DPYSL4: variants seen among roughly 807,000 people sequenced by gnomAD.
DPYSL4 encodes the protein dihydropyrimidinase like 4.
In DPYSL4, 43 loss-of-function variants were observed where a neutral mutation model predicts 63.4. The ratio of observed to expected loss-of-function variants is 0.68; its 90% CI spans 0.53 to 0.88. The LOEUF is 0.88. Among genes scored for constraint, DPYSL4 ranks in the 40% least tolerant of loss-of-function variants. DPYSL4 has a pLI of 0.00. For synonymous variants in DPYSL4, 353 were observed against 331.7 expected (o/e 1.06, Z -0.70); for missense variants, 733 against 819.5 (o/e 0.89, Z 1.29).
Position 132,200,899 on chromosome 10 carries a change from T to C in DPYSL4, c.1026T>C (p.Ala342=). 1 of 1,613,222 alleles carries C rather than the reference T, an allele frequency of 6.2e-7. No individual in the cohort carries two copies. The highest frequency in any genetic ancestry group is 8.5e-7 in the Non-Finnish European group (1 of 1,179,954). Residue 342 remains alanine (A), a synonymous_variant, in exon 10 of 14, where the codon GCT becomes GCC. Coordinates refer to ENST00000338492, the MANE Select transcript of DPYSL4 (RefSeq NM_006426.3). ...GCACCTTCACCACTGCCCAGAAGGC[T>C]GTGGGCAAGGACAACTTCGCGCTGA... The part of the protein sequence containing the change: ...AHCTFTTAQK[A]VGKDNFALIP...
At chr10:132,202,598 G>A (rs543869372) in intron 11 of DPYSL4, 48 bp from the exon 12 acceptor site, 1 of 1,603,646 alleles carries the variant, frequency 6.2e-7, no homozygotes, top group Non-Finnish European at 8.5e-7. Flanking sequence ...GGATGGGACT[G>A]TTGGGCCCCA....
chr10:132,202,188 A>T, intron 11 of DPYSL4, 72 bp downstream of exon 11: 1 of 1,556,104 alleles, frequency 6.4e-7, no homozygotes. Flanking sequence ...TTCCCAGGAG[A>T]GGCGCAGGAC....
intron 1 of DPYSL4, among the ~76,000 whole-genome samples, chr10:132,189,015 G>C (rs936042953): frequency 6.6e-6 from 1 of 152,244 alleles, no homozygotes; most frequent in Non-Finnish European, 1.5e-5. Flanking sequence ...CTGTAATGGA[G>C]TTCCTAGATA....
At chr10:132,198,714 G>T in intron 7 of DPYSL4, 137 bp from the exon 8 acceptor site, 1 of 1,362,888 alleles carries the variant, frequency 7.3e-7, no homozygotes, top group Admixed American at 2.3e-5. Context: ...CAGGCACTGA[G>T]CCCGAGGCTG....
At chr10:132,188,785 T>C (rs1410608884) in intron 1 of DPYSL4, among the ~76,000 whole-genome samples, 2 of 152,228 alleles carry the variant, frequency 1.3e-5, no homozygotes, top group Non-Finnish European at 2.9e-5. Context: ...GATGCTGCAG[T>C]GTGAACTTCA....
At chr10:132,204,449 T>C (rs2062066513) in intron 13 of DPYSL4, among the ~76,000 whole-genome samples, 1 of 152,124 alleles carries the variant, frequency 6.6e-6, no homozygotes, top group Non-Finnish European at 1.5e-5. Flanking sequence ...AGCAAAGCCC[T>C]GCTCACCTCC....
Position 132,200,825 on chromosome 10 carries a change from C to A in DPYSL4, c.969-17C>A, listed in dbSNP as rs1380446336. 1.9e-6 allele frequency: 3 copies of A among 1,610,164 alleles called. No individual in the cohort carries two copies. The highest frequency in any genetic ancestry group is 3.5e-4 in the Middle Eastern group (2 of 5,724). The stretch of plus-strand genomic sequence containing the variant: ...GCTCAGGAAGGCCAGGACCCTCTGA[C>A]CCTGGCTTGTTTCCAGCGGGGACCT... On this transcript the variant is annotated splice_polypyrimidine_tract_variant and intron_variant, in intron 9 of 13. Coordinates refer to ENST00000338492, the MANE Select transcript of DPYSL4 (RefSeq NM_006426.3).
At chr10:132,200,084 CGGGGTCCTGGGGT>C (rs1359836832) in intron 8 of DPYSL4, among the ~76,000 whole-genome samples, 3 of 152,268 alleles carry the variant, frequency 2.0e-5, no homozygotes, top group Admixed American at 1.3e-4. Context: ...CTGGAGTGCC[CGGGGTCCTGGGGT>C]GGGGTGTGGG....
In DPYSL4 at chr10:132,202,815, C is replaced by T. The variant is rs1002137767; in HGVS notation, c.1451C>T (p.Ala484Val). The T allele has an allele frequency of 6.3e-7, 1 of 1,598,882 alleles. No homozygotes were observed. The highest frequency in any genetic ancestry group is 2.2e-5 in the East Asian group (1 of 44,784). The change falls in exon 12 of 14, where the codon GCT (alanine) becomes GTT (valine). Residue 484 changes from alanine (A) to valine (V), a missense_variant. Coordinates refer to ENST00000338492, the MANE Select transcript of DPYSL4 (RefSeq NM_006426.3). ...FPDFVYKRIK[A>V]RNRLAEIHGV... is the part of the protein sequence containing the mutation. The stretch of plus-strand genomic sequence containing the variant: ...GACTTTGTCTACAAGAGGATCAAAG[C>T]TCGCAACAGGGTAGGGCGGCACCCG...
chr10:132,202,586 G>T, intron 11 of DPYSL4, 60 bp from the exon 12 acceptor site: 1 of 1,592,582 alleles, frequency 6.3e-7, no homozygotes, highest in South Asian at 1.1e-5. Flanking sequence ...GCGGCTCAAC[G>T]GGGATGGGAC....
rs2062084024 is a variant in DPYSL4, at chr10:132,205,475, A to T, written c.*545A>T. On this transcript the variant is annotated 3_prime_UTR_variant, in exon 14 of 14. Coordinates refer to ENST00000338492, the MANE Select transcript of DPYSL4 (RefSeq NM_006426.3). ...ACAGCTGCTGAGACTTCAGGGACCC[A>T]TCAGAACTTGGTGCAGCACAGCCCC... 1 of 152,900 alleles carries T rather than the reference A, an allele frequency of 6.5e-6. No homozygotes were observed. Among genetic ancestry groups the T allele is most frequent in the Non-Finnish European group, 1.5e-5 (1 of 68,366 alleles). 9.5% of individuals were successfully genotyped at this position (152,900 alleles called of 1,614,324 possible). A position where few individuals can be genotyped will look rare whatever the true frequency, so the allele number is the denominator to read the frequency against.
intron 6 of DPYSL4, among the ~76,000 whole-genome samples, chr10:132,197,997 C>T (rs559244670): frequency 3.3e-5 from 5 of 152,322 alleles, no homozygotes; most frequent in African/African-American, 1.2e-4. Context: ...GAGCGGATGC[C>T]GTAGTGCAAA....
At chr10:132,201,833 C>T in intron 10 of DPYSL4, 113 bp from the exon 11 acceptor site, 2 of 1,167,102 alleles carry the variant, frequency 1.7e-6, no homozygotes, top group Non-Finnish European at 2.4e-6. Context: ...CTCACGGGGG[C>T]CTGGTGACCT....
chr10:132,190,081 A>C (rs997249666), intron 1 of DPYSL4, among the ~76,000 whole-genome samples: 1 of 152,204 alleles, frequency 6.6e-6, no homozygotes, highest in African/African-American at 2.4e-5. Flanking sequence ...CCCTGGCCCC[A>C]GAGGTCCTTC....
chr10:132,203,548 G>A (rs368055748), intron 12 of DPYSL4: 60 of 579,494 alleles, frequency 1.0e-4, no homozygotes, highest in African/African-American at 7.5e-4. Context: ...CATTATACAC[G>A]TATGGGGAGG....
chr10:132,203,354 T>G (rs1455965534), intron 12 of DPYSL4, among the ~76,000 whole-genome samples: 1 of 152,064 alleles, frequency 6.6e-6, no homozygotes, highest in Non-Finnish European at 1.5e-5. Context: ...TGTCTGACGG[T>G]GCAGCAGGTG....
At chr10:132,189,964 C>A (rs774048860) in intron 1 of DPYSL4, among the ~76,000 whole-genome samples, 2 of 152,220 alleles carry the variant, frequency 1.3e-5, no homozygotes, top group Non-Finnish European at 2.9e-5. Context: ...CATCCCTCGG[C>A]CTCCTCCCAG....
At chr10:132,202,227 T>A in intron 11 of DPYSL4, 111 bp downstream of exon 11, 1 of 1,405,272 alleles carries the variant, frequency 7.1e-7, no homozygotes, top group Non-Finnish European at 9.6e-7. Context: ...AGCAGTGGCC[T>A]CAGCCATCCC....
intron 6 of DPYSL4, among the ~76,000 whole-genome samples, chr10:132,197,378 A>C (rs2061959799): frequency 6.6e-6 from 1 of 152,236 alleles, no homozygotes. Context: ...GCAAAGTGTC[A>C]GCCCCAGGGA....
Sources: gnomAD v4.1 joint callset for allele counts (sites outside exome capture counted in the v4.1 genomes callset) on GRCh38, gnomAD v4.1.1 for gene constraint, MANE v1.5 for transcripts, NCBI Gene and HGNC (gene_info 2026-07-23, HGNC 2026-07-21) for gene names.